FAT3: variants seen among roughly 807,000 people sequenced by gnomAD.
The protein encoded by FAT3 is FAT atypical cadherin 3.
FAT3 carries 95 observed loss-of-function variants against 310.2 expected under a neutral mutation model. That is an observed-to-expected ratio of 0.31 (90% confidence interval 0.26 to 0.36). The LOEUF (loss-of-function observed/expected upper bound fraction) is 0.36, where lower values mean the gene tolerates loss of function less well. FAT3 is among the 10% of genes least tolerant of loss of function. FAT3 has a pLI of 1.00. For missense variants in FAT3, 5,408 were observed against 5,715.6 expected (o/e 0.95, Z 1.74); for synonymous variants, 2,314 against 2,192.9 (o/e 1.06, Z -1.54).
intron 4 of FAT3, among the ~76,000 whole-genome samples, chr11:92,753,593 G>T (rs974587780): frequency 2.0e-5 from 3 of 152,048 alleles, no homozygotes; most frequent in Non-Finnish European, 4.4e-5. Flanking sequence ...TGGAAAAAAG[G>T]AATCCCTTGT....
chr11:92,489,590 A>T (rs1014225102), intron 2 of FAT3, among the ~76,000 whole-genome samples: 5 of 152,268 alleles, frequency 3.3e-5, no homozygotes, highest in Admixed American at 3.3e-4. Flanking sequence ...TTTTTAAAAA[A>T]GTACAAAAAA....
chr11:92,807,087 G>T (rs1322206768), intron 12 of FAT3, among the ~76,000 whole-genome samples: 1 of 152,142 alleles, frequency 6.6e-6, no homozygotes, highest in African/African-American at 2.4e-5. Context: ...TTCTCTGGTG[G>T]TGAATCTTTC....
intron 3 of FAT3, among the ~76,000 whole-genome samples, chr11:92,546,180 C>G (rs1478205764): frequency 6.6e-6 from 1 of 152,188 alleles, no homozygotes; most frequent in Admixed American, 6.5e-5. Flanking sequence ...GTTTTTGCAT[C>G]TGAAACTGTA....
chr11:92,372,063 G>A (rs1031152138), intron 2 of FAT3, among the ~76,000 whole-genome samples: 1 of 152,070 alleles, frequency 6.6e-6, no homozygotes, highest in African/African-American at 2.4e-5. Context: ...CTCTATTTTG[G>A]ACCATTTACC....
chr11:92,525,666 G>A (rs1244467124), intron 3 of FAT3, among the ~76,000 whole-genome samples: 1 of 136,468 alleles, frequency 7.3e-6, no homozygotes, highest in African/African-American at 2.5e-5. Flanking sequence ...TTTTAGGTCT[G>A]AACAAAGGAG....
At chr11:92,249,670 A>G (rs978915202) in intron 1 of FAT3, among the ~76,000 whole-genome samples, 3 of 152,170 alleles carry the variant, frequency 2.0e-5, no homozygotes, top group African/African-American at 7.2e-5. Context: ...CTTCAGCTTC[A>G]TATGCAAAAG....
At chr11:92,333,717 C>T (rs1947980149) in intron 1 of FAT3, among the ~76,000 whole-genome samples, 1 of 151,106 alleles carries the variant, frequency 6.6e-6, no homozygotes, top group Non-Finnish European at 1.5e-5. Context: ...CATAAATATA[C>T]ATCTTACCTT....
intron 2 of FAT3, among the ~76,000 whole-genome samples, chr11:92,442,830 A>G (rs183697333): frequency 2.8e-4 from 43 of 152,260 alleles, no homozygotes; most frequent in African/African-American, 6.5e-4. Context: ...TATGCTACCT[A>G]TTAGTTGAGA....
chr11:92,615,184 T>G (rs1940742049), intron 3 of FAT3, among the ~76,000 whole-genome samples: 2 of 152,226 alleles, frequency 1.3e-5, no homozygotes, highest in African/African-American at 2.4e-5. Context: ...GCTATTTTGT[T>G]CCTTGCATTT....
At chr11:92,712,332 A>G (rs1012676175) in intron 4 of FAT3, among the ~76,000 whole-genome samples, 1 of 152,216 alleles carries the variant, frequency 6.6e-6, no homozygotes, top group Non-Finnish European at 1.5e-5. Context: ...CATGCCAAGA[A>G]TAAGTCATCT....
rs1331737588 is a variant in FAT3, at chr11:92,764,738, C to T, written c.3985-141C>T. 1.2e-5 allele frequency: 9 copies of T among 744,660 alleles called. No individual in the cohort carries two copies. In the African/African-American group the frequency reaches 1.4e-4, roughly 12 times the overall value. 46.1% of individuals were successfully genotyped at this position (744,660 alleles called of 1,614,324 possible). On this transcript the variant is annotated intron_variant, in intron 5 of 27. Coordinates refer to ENST00000525166, the MANE Select transcript of FAT3 (RefSeq NM_001367949.2). Reference sequence around the variant, plus strand: ...TCCCCTCCATTCCCAAGTCTTTACTCCCCAGACCTCTGCTCCTTTCTTCCC... The same window carrying T: ...TCCCCTCCATTCCCAAGTCTTTACTTCCCAGACCTCTGCTCCTTTCTTCCC...
intron 3 of FAT3, among the ~76,000 whole-genome samples, chr11:92,595,839 G>A (rs561892932): frequency 1.3e-5 from 2 of 152,328 alleles, no homozygotes; most frequent in African/African-American, 4.8e-5. Flanking sequence ...CGGGAATAGT[G>A]TTGGTCAGGT....
intron 3 of FAT3, among the ~76,000 whole-genome samples, chr11:92,684,268 T>G (rs534972987): frequency 1.7e-4 from 26 of 152,328 alleles, no homozygotes; most frequent in African/African-American, 5.1e-4. Context: ...GCTAAATGGC[T>G]GAAAATGTAG....
chr11:92,490,412 C>A (rs1279586884), intron 2 of FAT3, among the ~76,000 whole-genome samples: 1 of 152,038 alleles, frequency 6.6e-6, no homozygotes, highest in Non-Finnish European at 1.5e-5. Flanking sequence ...GCTCTGGGAA[C>A]CTGGGTAGAT....
intron 1 of FAT3, among the ~76,000 whole-genome samples, chr11:92,328,226 A>G (rs1407793717): frequency 6.6e-6 from 1 of 152,046 alleles, no homozygotes; most frequent in Non-Finnish European, 1.5e-5. Context: ...CAACTCCTGC[A>G]CTCTGAACAC....
chr11:92,247,626 T>C (rs1202343696), intron 1 of FAT3, among the ~76,000 whole-genome samples: 1 of 152,024 alleles, frequency 6.6e-6, no homozygotes. Flanking sequence ...GCATTACCAG[T>C]TGTTAGGCAT....
chr11:92,235,554 A>G (rs1864383902), intron 1 of FAT3, among the ~76,000 whole-genome samples: 1 of 148,142 alleles, frequency 6.8e-6, no homozygotes, highest in South Asian at 2.1e-4. Context: ...GGTATTTAAT[A>G]TTTAAAATTG....
chr11:92,723,785 C>G (rs1591650140), intron 4 of FAT3, among the ~76,000 whole-genome samples: 1 of 152,242 alleles, frequency 6.6e-6, no homozygotes, highest in African/African-American at 2.4e-5. Context: ...ACCATCAGAT[C>G]CCATGAGACT....
At chr11:92,649,533 A>G (rs1020966769) in intron 3 of FAT3, among the ~76,000 whole-genome samples, 1 of 152,020 alleles carries the variant, frequency 6.6e-6, no homozygotes, top group African/African-American at 2.4e-5. Flanking sequence ...TCATGTTGCC[A>G]GTGGGTCCCT....
Sources: allele counts gnomAD v4.1 joint callset (sites outside exome capture counted in the v4.1 genomes callset), GRCh38; gene constraint gnomAD v4.1.1; transcripts MANE v1.5; gene names NCBI Gene and HGNC (gene_info 2026-07-23, HGNC 2026-07-21).